The following WWOX variants were observed in gnomAD, a reference collection of about 807,000 sequenced individuals.
WWOX encodes WW domain-containing oxidoreductase.
In WWOX, 69 loss-of-function variants were observed where a neutral mutation model predicts 46.2. The observed-to-expected ratio is 1.49, with a 90% CI of 1.23 to 1.82. The LOEUF (loss-of-function observed/expected upper bound fraction) is 1.82. Among genes scored for constraint, WWOX ranks in the 40% most tolerant of loss-of-function variants. The pLI, the probability that WWOX is intolerant of heterozygous loss-of-function variation, is 0.00. For missense variants in WWOX, 919 were observed against 542.6 expected, an observed-to-expected ratio of 1.69 and a Z score of -6.89; for synonymous variants, 359 against 202.6, an observed-to-expected ratio of 1.77 and a Z score of -6.56.
chr16:78,489,182 C>G (rs537069077), intron 8 of WWOX, among the ~76,000 whole-genome samples: 1 of 152,300 alleles, frequency 6.6e-6, no homozygotes, highest in African/African-American at 2.4e-5. Context: ...GCCTCAGTTT[C>G]CCTATCTGTG....
intron 8 of WWOX, among the ~76,000 whole-genome samples, chr16:79,019,303 G>T (rs376484618): frequency 6.6e-6 from 1 of 151,538 alleles, no homozygotes; most frequent in Non-Finnish European, 1.5e-5. Flanking sequence ...TGGAGTGCAC[G>T]TACACAAACC....
intron 8 of WWOX, among the ~76,000 whole-genome samples, chr16:78,720,025 C>G (rs1437017657): frequency 6.6e-6 from 1 of 152,166 alleles, no homozygotes; most frequent in Non-Finnish European, 1.5e-5. Flanking sequence ...AAAAGCGTTA[C>G]TGTACATTTT....
At chr16:79,109,688 C>T (rs1023359754) in intron 8 of WWOX, among the ~76,000 whole-genome samples, 7 of 152,122 alleles carry the variant, frequency 4.6e-5, no homozygotes, top group African/African-American at 1.7e-4. Flanking sequence ...CATTATTTAT[C>T]TCTAAATTAT....
At chr16:78,231,289 C>T (rs2037253112) in intron 5 of WWOX, among the ~76,000 whole-genome samples, 1 of 152,188 alleles carries the variant, frequency 6.6e-6, no homozygotes, top group Admixed American at 6.5e-5. Context: ...TGAGATGTGG[C>T]TTCGGCATTT....
intron 8 of WWOX, among the ~76,000 whole-genome samples, chr16:78,834,390 C>T (rs952174041): frequency 1.6e-4 from 25 of 152,220 alleles, no homozygotes; most frequent in East Asian, 1.4e-3. Context: ...TCTCATAAAT[C>T]GGCACAAATT....
intron 8 of WWOX, among the ~76,000 whole-genome samples, chr16:78,678,910 G>A (rs915583217): frequency 3.3e-5 from 5 of 152,128 alleles, no homozygotes; most frequent in Non-Finnish European, 5.9e-5. Context: ...ACCTACCCAG[G>A]CTGGCACCGC....
chr16:78,155,085 A>G (rs2034553805), intron 4 of WWOX, among the ~76,000 whole-genome samples: 2 of 152,158 alleles, frequency 1.3e-5, no homozygotes, highest in African/African-American at 2.4e-5. Flanking sequence ...GCTTTTTCAG[A>G]GAAGCTACAC....
intron 8 of WWOX, among the ~76,000 whole-genome samples, chr16:79,028,516 T>G (rs1365803289): frequency 1.3e-5 from 2 of 151,702 alleles, no homozygotes; most frequent in African/African-American, 4.9e-5. Flanking sequence ...TCTTTCCTCC[T>G]TCTTCCTCTC....
intron 8 of WWOX, among the ~76,000 whole-genome samples, chr16:78,555,309 C>A (rs1167299653): frequency 1.3e-5 from 2 of 152,000 alleles, no homozygotes; most frequent in Non-Finnish European, 2.9e-5. Context: ...GAAAGGTACT[C>A]TTTTTTATTC....
intron 5 of WWOX, among the ~76,000 whole-genome samples, chr16:78,274,711 A>T (rs966339441): frequency 6.6e-6 from 1 of 152,164 alleles, no homozygotes; most frequent in African/African-American, 2.4e-5. Flanking sequence ...GACATGTTCA[A>T]TGCTGCTTTC....
chr16:78,140,969 T>C (rs1419368607), intron 4 of WWOX, among the ~76,000 whole-genome samples: 7 of 152,238 alleles, frequency 4.6e-5, no homozygotes, highest in Non-Finnish European at 8.8e-5. Context: ...AGCTCTGCTC[T>C]AGGACCTGGT....
chr16:78,889,439 G>C (rs1276813740), intron 8 of WWOX, among the ~76,000 whole-genome samples: 11 of 147,480 alleles, frequency 7.5e-5, no homozygotes, highest in Admixed American at 7.1e-4. Context: ...AACGCGAGCC[G>C]ACTTGATGTG....
At chr16:78,474,644 G>T (rs775236859) in intron 8 of WWOX, among the ~76,000 whole-genome samples, 2 of 151,536 alleles carry the variant, frequency 1.3e-5, no homozygotes, top group African/African-American at 4.9e-5. Flanking sequence ...CAATGGCTCA[G>T]TCTATTCAGA....
At chr16:79,210,125 A>G (rs12446313) in intron 8 of WWOX, among the ~76,000 whole-genome samples, 30,425 of 151,988 alleles carry the variant, frequency 0.2, 3,303 homozygotes, top group East Asian at 0.32. Flanking sequence ...TCTTTGTCTC[A>G]CTCACGGTCC....
At chr16:78,418,308 G>C (rs1433595477) in intron 6 of WWOX, among the ~76,000 whole-genome samples, 3 of 151,760 alleles carry the variant, frequency 2.0e-5, no homozygotes, top group Non-Finnish European at 1.5e-5. Flanking sequence ...AGCTTGCAGT[G>C]AGCCGAGATT....
At chr16:78,659,105 C>G (rs1459486067) in intron 8 of WWOX, among the ~76,000 whole-genome samples, 1 of 148,434 alleles carries the variant, frequency 6.7e-6, no homozygotes, top group African/African-American at 2.5e-5. Flanking sequence ...AAAAAACAAA[C>G]AAACAAACAA....
At chr16:78,492,576 C>T (rs1463518287) in intron 8 of WWOX, among the ~76,000 whole-genome samples, 2 of 152,192 alleles carry the variant, frequency 1.3e-5, no homozygotes, top group Non-Finnish European at 2.9e-5. Flanking sequence ...CCAGGACCTG[C>T]CACTAGGAGA....
intron 8 of WWOX, among the ~76,000 whole-genome samples, chr16:78,806,558 G>T (rs1270048154): frequency 6.6e-6 from 1 of 152,080 alleles, no homozygotes; most frequent in African/African-American, 2.4e-5. Flanking sequence ...ACCCTTGCTG[G>T]AGGGTCTATT....
chr16:78,948,520 C>T (rs999743937), intron 8 of WWOX, among the ~76,000 whole-genome samples: 1 of 152,150 alleles, frequency 6.6e-6, no homozygotes, highest in Non-Finnish European at 1.5e-5. Flanking sequence ...GACCCCAAGA[C>T]AGCTCTGCTG....
Sources: gnomAD v4.1 joint callset for allele counts (sites outside exome capture counted in the v4.1 genomes callset) on GRCh38, gnomAD v4.1.1 for gene constraint, MANE v1.5 for transcripts, NCBI Gene and HGNC (gene_info 2026-07-23, HGNC 2026-07-21) for gene names.